The following TMCC1 variants were observed in gnomAD, a reference collection of about 807,000 sequenced individuals.
TMCC1 encodes the protein transmembrane and coiled-coil domain family 1.
In TMCC1, 15 loss-of-function variants were observed where a neutral mutation model predicts 52.4. The ratio of observed to expected loss-of-function variants is 0.29; its 90% CI spans 0.19 to 0.44. The LOEUF (loss-of-function observed/expected upper bound fraction) is 0.44, where lower values mean the gene tolerates loss of function less well. Ranked by LOEUF, TMCC1 falls within the 20% of genes least tolerant of loss-of-function variation. The pLI is 1.00. For synonymous variants in TMCC1, 279 were observed against 301.9 expected (o/e 0.92, Z 0.79); for missense variants, 503 against 806.0 (o/e 0.62, Z 4.55).
chr3:129,770,580 G>GATAAA (rs1157729408), intron 4 of TMCC1, among the ~76,000 whole-genome samples: 256 of 147,744 alleles, frequency 1.7e-3, no homozygotes, highest in African/African-American at 5.1e-3. Flanking sequence ...CCTGTCTTAA[G>GATAAA]ATAAAATAAA....
At chr3:129,859,645 CACACAT>C (rs1248006697) in intron 2 of TMCC1, among the ~76,000 whole-genome samples, 4 of 22,178 alleles carry the variant, frequency 1.8e-4, no homozygotes, top group African/African-American at 5.3e-4. Flanking sequence ...TCAAAACACA[CACACAT>C]ACACACACAC....
At chr3:129,784,408 T>C (rs2055808519) in intron 4 of TMCC1, among the ~76,000 whole-genome samples, 1 of 151,302 alleles carries the variant, frequency 6.6e-6, no homozygotes, top group Non-Finnish European at 1.5e-5. Flanking sequence ...CTACTAAAAA[T>C]ACAAAAAATT....
chr3:129,760,599 T>G (rs2053482910), intron 4 of TMCC1, among the ~76,000 whole-genome samples: 1 of 151,828 alleles, frequency 6.6e-6, no homozygotes, highest in African/African-American at 2.4e-5. Context: ...TGCCTCAGCC[T>G]CCTAAGTAGC....
At chr3:129,835,068 C>T (rs566538709) in intron 2 of TMCC1, among the ~76,000 whole-genome samples, 23 of 152,224 alleles carry the variant, frequency 1.5e-4, no homozygotes, top group Non-Finnish European at 2.5e-4. Flanking sequence ...CCACCCTGGC[C>T]GAAGATGTTA....
At chr3:129,752,307 C>T (rs1009674088) in intron 4 of TMCC1, among the ~76,000 whole-genome samples, 79 of 152,122 alleles carry the variant, frequency 5.2e-4, no homozygotes, top group Non-Finnish European at 2.9e-4. Context: ...TTCACTAGAA[C>T]GGAATTTTTG....
intron 2 of TMCC1, among the ~76,000 whole-genome samples, chr3:129,837,598 C>T (rs899768298): frequency 6.6e-6 from 1 of 152,162 alleles, no homozygotes. Context: ...CTGTCATATA[C>T]AGCACATTCA....
chr3:129,805,703 C>A (rs532707571), intron 4 of TMCC1, among the ~76,000 whole-genome samples: 1 of 152,052 alleles, frequency 6.6e-6, no homozygotes, highest in African/African-American at 2.4e-5. Context: ...GAGGCTGAGG[C>A]AGGAGGATTG....
chr3:129,712,623 A>ATT (rs946518980), intron 4 of TMCC1, among the ~76,000 whole-genome samples: 1 of 149,226 alleles, frequency 6.7e-6, no homozygotes, highest in Non-Finnish European at 1.5e-5. Flanking sequence ...AATTAAAAAA[A>ATT]TTTTTTTTTT....
At chr3:129,718,761 A>G (rs2049310701) in intron 4 of TMCC1, among the ~76,000 whole-genome samples, 1 of 152,116 alleles carries the variant, frequency 6.6e-6, no homozygotes. Context: ...TTTCCTTATG[A>G]TTTTCTTAAC....
Position 129,828,680 on chromosome 3 carries a change from G to A in TMCC1, c.-130-172C>T, listed in dbSNP as rs575600901. Among the ~76,000 whole-genome samples, 4 of 152,238 alleles carry A rather than the reference G, an allele frequency of 2.6e-5. No individual in the cohort carries two copies. The highest frequency in any genetic ancestry group is 9.6e-5 in the African/African-American group (4 of 41,552). On this transcript the variant is annotated intron_variant, in intron 3 of 6. Coordinates refer to ENST00000393238, the MANE Select transcript of TMCC1 (RefSeq NM_001017395.5). The surrounding 1 kb of genome is among the most constrained non-coding windows in gnomAD (Gnocchi z 4.1). ...TAAAAGACAGTTTTCTAGATAGTGG[G>A]TAATGATTATTTTTTAGAATGAGAG...
At chr3:129,876,118 G>A (rs1437646802) in intron 2 of TMCC1, among the ~76,000 whole-genome samples, 4 of 144,604 alleles carry the variant, frequency 2.8e-5, no homozygotes, top group Non-Finnish European at 4.5e-5. Context: ...TGGGGAACAA[G>A]AGCAAGATTT....
In TMCC1 at chr3:129,746,777, GAGTCTGTTGTGTTC is replaced by G. The variant is rs1576667187; in HGVS notation, c.577-75527_577-75514del. Among the ~76,000 whole-genome samples the G allele has an allele frequency of 2.0e-5, 3 of 152,318 alleles. No individual in the cohort carries two copies. The East Asian group carries it at 5.8e-4, about 29-fold the overall frequency. On this transcript the variant is annotated intron_variant, in intron 4 of 6. Coordinates refer to ENST00000393238, the MANE Select transcript of TMCC1 (RefSeq NM_001017395.5). The stretch of plus-strand genomic sequence containing the variant: ...TATATTCTTTACAAGGTTGGGGTAA[GAGTCTGTTGTGTTC>G]AGTATTACATCACCAGCACCCTGTG...
intron 4 of TMCC1, among the ~76,000 whole-genome samples, chr3:129,672,942 A>G (rs1390158913): frequency 6.6e-6 from 1 of 152,188 alleles, no homozygotes; most frequent in Non-Finnish European, 1.5e-5. Flanking sequence ...TCTGAGCCAT[A>G]AAACACATTT....
At chr3:129,836,855 A>AG (rs2059183167) in intron 2 of TMCC1, among the ~76,000 whole-genome samples, 1 of 152,226 alleles carries the variant, frequency 6.6e-6, no homozygotes, top group Non-Finnish European at 1.5e-5. Context: ...TCTCTAATGC[A>AG]GGGGGAAGCA....
At chr3:129,766,339 T>C (rs1022157908) in intron 4 of TMCC1, among the ~76,000 whole-genome samples, 1 of 152,218 alleles carries the variant, frequency 6.6e-6, no homozygotes, top group African/African-American at 2.4e-5. Context: ...CATTCATTCA[T>C]TCATTCATTC....
At chr3:129,885,629 T>G (rs937604918) in intron 1 of TMCC1, among the ~76,000 whole-genome samples, 1 of 152,190 alleles carries the variant, frequency 6.6e-6, no homozygotes, top group Non-Finnish European at 1.5e-5. Flanking sequence ...TATTCTATTA[T>G]AGTTCAAACC....
At chr3:129,685,514 A>G (rs867079031) in intron 4 of TMCC1, among the ~76,000 whole-genome samples, 40 of 152,324 alleles carry the variant, frequency 2.6e-4, no homozygotes, top group Middle Eastern at 3.4e-3. Flanking sequence ...AAGGAAAAGC[A>G]TTTCAGGTTA....
At chr3:129,830,647 TTTG>T (rs1246128871) in intron 3 of TMCC1, among the ~76,000 whole-genome samples, 5 of 152,172 alleles carry the variant, frequency 3.3e-5, no homozygotes, top group Non-Finnish European at 7.3e-5. Flanking sequence ...ACAACTGATT[TTTG>T]TTGTTGTTGT....
intron 2 of TMCC1, among the ~76,000 whole-genome samples, chr3:129,834,610 T>C (rs997577956): frequency 2.0e-5 from 3 of 151,912 alleles, no homozygotes; most frequent in Non-Finnish European, 4.4e-5. Context: ...GTAAGATGCA[T>C]GAGAGGAGGG....
Sources: allele counts gnomAD v4.1 joint callset (sites outside exome capture counted in the v4.1 genomes callset), GRCh38; gene constraint gnomAD v4.1.1; non-coding constraint Gnocchi (gnomAD v3.1); transcripts MANE v1.5; gene names NCBI Gene and HGNC (gene_info 2026-07-23, HGNC 2026-07-21).